SMIM12: variants seen among roughly 807,000 people sequenced by gnomAD.
The protein encoded by SMIM12 is small integral membrane protein 12.
SMIM12 carries 5 observed loss-of-function variants against 6.3 expected under a neutral mutation model. The observed-to-expected ratio is 0.80, with a 90% CI of 0.42 to 1.68. SMIM12 has a LOEUF of 1.68. SMIM12 is among the 40% of genes most tolerant of loss of function. The pLI is 0.02. For synonymous variants in SMIM12, 51 were observed against 48.0 expected (o/e 1.06, Z -0.26); for missense variants, 103 against 121.4 (o/e 0.85, Z 0.71).
Position 34,855,395 on chromosome 1 carries a change from C to A in SMIM12, c.*304G>T. Reference sequence around the variant, plus strand: ...TTCCCACTAGAGGCCAAACCGCCTGCCCACAGAGATTGACAGCCAATGTTC... The same window carrying A: ...TTCCCACTAGAGGCCAAACCGCCTGACCACAGAGATTGACAGCCAATGTTC... On this transcript the variant is annotated 3_prime_UTR_variant, in exon 2 of 2. Transcript: ENST00000521580. The A allele has an allele frequency of 6.7e-7, 1 of 1,497,184 alleles. No individual in the cohort carries two copies. Among genetic ancestry groups the A allele is most frequent in the Non-Finnish European group, 9.0e-7 (1 of 1,105,758 alleles). 92.7% of individuals were successfully genotyped at this position (1,497,184 alleles called of 1,614,324 possible). A position where few individuals can be genotyped will look rare whatever the true frequency, so the allele number is the denominator to read the frequency against.
intron 1 of SMIM12, chr1:34,856,651 T>A (rs928257583): frequency 3.3e-5 from 5 of 152,230 alleles, no homozygotes; most frequent in Admixed American, 3.3e-4. Context: ...ATGAAATTTC[T>A]CCATGAGCAC....
At position 34,855,753 on chromosome 1, in the gene SMIM12, C is replaced by T; in HGVS notation, c.225G>A (p.Lys75=). The change falls in exon 2 of 2, where the codon AAG becomes AAA. Residue 75 remains lysine (K), a synonymous_variant. Transcript: ENST00000521580. ...DHTQVVSLKD[K]LEFAPKAVLN... ...GCACAGCTTTCGGGGCAAATTCTAG[C>T]TTGTCCTTAAGGCTCACCACCTGCG... is the stretch of plus-strand genomic sequence containing the variant. 2 of 1,590,530 alleles carry T rather than the reference C, an allele frequency of 1.3e-6. No individual in the cohort carries two copies. The highest frequency in any genetic ancestry group is 1.7e-6 in the Non-Finnish European group (2 of 1,167,694).
chr1:34,850,443 T>C lies in SMIM12; in HGVS notation c.*5256A>G, dbSNP rs1291997019. Among the ~76,000 whole-genome samples the C allele has an allele frequency of 1.3e-5, 2 of 152,240 alleles. No homozygotes were observed. The highest frequency in any genetic ancestry group is 2.1e-4 in the South Asian group (1 of 4,832). ...ACTGCTGGAACAGGATGAAAACTGA[T>C]ACACCGGTTACTAATTACTCTTCAC... On this transcript the variant is annotated 3_prime_UTR_variant, in exon 2 of 2. Transcript: ENST00000521580.
chr1:34,857,260 T>TGGGGGGG (rs1638684215), intron 1 of SMIM12: 1 of 3,426 alleles, frequency 2.9e-4, no homozygotes, highest in African/African-American at 1.1e-3. Context: ...TGGGGTGGGG[T>TGGGGGGG]GGGGCGGGGA....
chr1:34,857,831 G>A lies in SMIM12; in HGVS notation c.-6+1846C>T, dbSNP rs182387157. The A allele has an allele frequency of 1.1e-4, 17 of 152,238 alleles. No homozygotes were observed. The East Asian group carries it at 2.9e-3, about 26-fold the overall frequency. 9.4% of individuals were successfully genotyped at this position (152,238 alleles called of 1,614,324 possible). On this transcript the variant is annotated intron_variant, in intron 1 of 1. Coordinates refer to ENST00000521580, the MANE Select transcript of SMIM12 (RefSeq NM_138428.6). The stretch of plus-strand genomic sequence containing the variant: ...TGGGGGTTGGAGAGGGATGGTTTCG[G>A]GATGAAACTGTTCCAGCTCAGATCA...
rs1638579474 is a variant in SMIM12, at chr1:34,854,561, CCT to C, written c.*1136_*1137del. The C allele has an allele frequency of 6.6e-6, 1 of 152,142 alleles. No individual in the cohort carries two copies. Among genetic ancestry groups the C allele is most frequent in the African/African-American group, 2.4e-5 (1 of 41,208 alleles). 9.4% of individuals were successfully genotyped at this position (152,142 alleles called of 1,614,324 possible). ...TCCAGCCTGTGTGACAGAGTGAGAC[CCT>C]GTCTCCAAAAAACCAATTATGATGA... On this transcript the variant is annotated 3_prime_UTR_variant, in exon 2 of 2. Transcript: ENST00000521580.
rs1638485254 is a variant in SMIM12, at chr1:34,852,533, C to T, written c.*3166G>A. ...AAGGAGGAGGCAGTTTGAGAGGTCA[C>T]AAATTGGCAGCCACTGGGTCAAATT... On this transcript the variant is annotated 3_prime_UTR_variant, in exon 2 of 2. Coordinates refer to ENST00000521580, the MANE Select transcript of SMIM12 (RefSeq NM_138428.6). The T allele has an allele frequency of 6.7e-6, 1 of 148,444 alleles. No individual in the cohort carries two copies. Among genetic ancestry groups the T allele is most frequent in the Admixed American group, 6.7e-5 (1 of 14,876 alleles). 9.2% of individuals were successfully genotyped at this position (148,444 alleles called of 1,614,324 possible). A position where few individuals can be genotyped will look rare whatever the true frequency, so the allele number is the denominator to read the frequency against.
Position 34,853,926 on chromosome 1 carries a change from T to A in SMIM12, c.*1773A>T, listed in dbSNP as rs1638552400. ...TGAACCCAAGAGGTGGAGGTTGCAG[T>A]GAACCAAGATCGCGCCACTGCACTC... On this transcript the variant is annotated 3_prime_UTR_variant, in exon 2 of 2. Transcript: ENST00000521580. The A allele has an allele frequency of 6.7e-6, 1 of 150,252 alleles. No homozygotes were observed. The highest frequency in any genetic ancestry group is 1.5e-5 in the Non-Finnish European group (1 of 67,882). The allele number at this position is 150,252 out of a possible 1,614,324, so 9.3% of individuals were successfully genotyped here.
chr1:34,855,019 C>A lies in SMIM12; in HGVS notation c.*680G>T, dbSNP rs1316247182. ...TAACTCCTAAGAAGACCCCCAAATA[C>A]CACCTGGATGATAAGATTCGATCAT... On this transcript the variant is annotated 3_prime_UTR_variant, in exon 2 of 2. Transcript: ENST00000521580. 1.6e-6 allele frequency: 2 copies of A among 1,256,214 alleles called. No individual in the cohort carries two copies. Among genetic ancestry groups the A allele is most frequent in the Non-Finnish European group, 1.0e-6 (1 of 966,042 alleles). The allele number at this position is 1,256,214 out of a possible 1,614,324, so 77.8% of individuals were successfully genotyped here. A position where few individuals can be genotyped will look rare whatever the true frequency, so the allele number is the denominator to read the frequency against.
Position 34,852,015 on chromosome 1 carries a change from C to T in SMIM12, c.*3684G>A, listed in dbSNP as rs148904848. On this transcript the variant is annotated 3_prime_UTR_variant, in exon 2 of 2. Transcript: ENST00000521580. ...ATAAACCTTGCTATCTAATGTCACC[C>T]GAGCAGAGGCAAGAGCACATATACT... Among the ~76,000 whole-genome samples, 364 of 152,300 alleles carry T rather than the reference C, an allele frequency of 2.4e-3. 4 individuals carry two copies. Among genetic ancestry groups the T allele is most frequent in the African/African-American group, 8.3e-3 (345 of 41,564 alleles).
chr1:34,852,474 A>AAC lies in SMIM12; in HGVS notation c.*3224_*3225insGT, dbSNP rs1553172450. 6.8e-6 allele frequency among the ~76,000 whole-genome samples: 1 copy of AAC among 146,174 alleles called. No homozygotes were observed. The highest frequency in any genetic ancestry group is 1.5e-5 in the Non-Finnish European group (1 of 67,724). On this transcript the variant is annotated 3_prime_UTR_variant, in exon 2 of 2. Coordinates refer to ENST00000521580, the MANE Select transcript of SMIM12 (RefSeq NM_138428.6). ...AGTTGTTAGATCGCCAAAAAAAAAA[A>AAC]AAAAAAAAAAACCATAATTATAGGT... is the stretch of plus-strand genomic sequence containing the variant.
rs988669345 is a variant in SMIM12 at position 34,851,350 on chromosome 1, G to A, written c.*4349C>T. The A allele has an allele frequency of 2.0e-5, 3 of 152,198 alleles. No homozygotes were observed. Among genetic ancestry groups the A allele is most frequent in the African/African-American group, 7.2e-5 (3 of 41,446 alleles). The allele number at this position is 152,198 out of a possible 1,614,324, so 9.4% of individuals were successfully genotyped here. A position where few individuals can be genotyped will look rare whatever the true frequency, so the allele number is the denominator to read the frequency against. ...CTTGCCCAAGGTCATCCAGTTAATT[G>A]TTAAGGCAGTATTCATAACTCGAGC... On this transcript the variant is annotated 3_prime_UTR_variant, in exon 2 of 2. Transcript: ENST00000521580.
rs774870298 is a variant in SMIM12, at chr1:34,855,173, T to A, written c.*526A>T. 7.3e-7 allele frequency: 1 copy of A among 1,367,464 alleles called. No homozygotes were observed. Among genetic ancestry groups the A allele is most frequent in the South Asian group, 1.1e-5 (1 of 87,950 alleles). The allele number at this position is 1,367,464 out of a possible 1,614,324, so 84.7% of individuals were successfully genotyped here. A position where few individuals can be genotyped will look rare whatever the true frequency, so the allele number is the denominator to read the frequency against. Reference sequence around the variant, plus strand: ...CTGCCCCAAAGTGAACAGTCTGGGCTTCCCAGAACAGAAAAGTGCTTTCCT... The same window carrying A: ...CTGCCCCAAAGTGAACAGTCTGGGCATCCCAGAACAGAAAAGTGCTTTCCT... On this transcript the variant is annotated 3_prime_UTR_variant, in exon 2 of 2. Transcript: ENST00000521580.
At position 34,852,729 on chromosome 1, in the gene SMIM12, T is replaced by A. The variant is rs932651934; in HGVS notation, c.*2970A>T. On this transcript the variant is annotated 3_prime_UTR_variant, in exon 2 of 2. Transcript: ENST00000521580. ...CATCTTTTAGAAAAATTCAAAAATC[T>A]GGTACCACTGGATGAGCAGCAGATT... 5.2e-5 allele frequency: 8 copies of A among 152,430 alleles called. No individual in the cohort carries two copies. Among genetic ancestry groups the A allele is most frequent in the Non-Finnish European group, 1.0e-4 (7 of 68,028 alleles). The allele number at this position is 152,430 out of a possible 1,614,324, so 9.4% of individuals were successfully genotyped here. A position where few individuals can be genotyped will look rare whatever the true frequency, so the allele number is the denominator to read the frequency against.
rs1640950395 is a variant in SMIM12, at chr1:34,852,209, AGCC to A, written c.*3487_*3489del. On this transcript the variant is annotated 3_prime_UTR_variant, in exon 2 of 2. Coordinates refer to ENST00000521580, the MANE Select transcript of SMIM12 (RefSeq NM_138428.6). ...AATCAAAGTGAGACTGGAAGAAGGG[AGCC>A]ACCTGGATTCCCAAAGATAGGGCTC... Among the ~76,000 whole-genome samples, 1 of 152,182 alleles carries A rather than the reference AGCC, an allele frequency of 6.6e-6. No individual in the cohort carries two copies.
rs541279377 is a variant in SMIM12, at chr1:34,855,488, C to T, written c.*211G>A. The stretch of plus-strand genomic sequence containing the variant: ...TGCCTGAGTGCTTGTGGCCACCACA[C>T]AACAGATGCGGCCTTCCTCTTCACT... On this transcript the variant is annotated 3_prime_UTR_variant, in exon 2 of 2. Coordinates refer to ENST00000521580, the MANE Select transcript of SMIM12 (RefSeq NM_138428.6). The T allele has an allele frequency of 6.2e-7, 1 of 1,604,294 alleles. No individual in the cohort carries two copies. Among genetic ancestry groups the T allele is most frequent in the Non-Finnish European group, 8.5e-7 (1 of 1,174,076 alleles).
rs371366501 is a variant in SMIM12 at position 34,855,916 on chromosome 1, G to C, written c.62C>G (p.Ala21Gly). The change falls in exon 2 of 2, where the codon GCC becomes GGC. Residue 21 changes from alanine (A) to glycine (G), a missense_variant. Physicochemically the swap from Ala to Gly is moderately conservative, Grantham distance 60 (BLOSUM62 0). Transcript: ENST00000521580. ...TYAPYVTFPVAFVVGAVGYHL... is the reference protein window; with the variant it reads ...TYAPYVTFPVGFVVGAVGYHL... ...GTAACCCACAGCCCCGACCACGAAG[G>C]CAACAGGGAATGTGACATAAGGAGC... The C allele has an allele frequency of 1.5e-5, 24 of 1,551,610 alleles. No individual in the cohort carries two copies. In the South Asian group the frequency reaches 2.4e-4, roughly 15 times the overall value.
chr1:34,854,964 T>C lies in SMIM12; in HGVS notation c.*735A>G, dbSNP rs1168642925. The C allele has an allele frequency of 5.2e-6, 5 of 958,334 alleles. No individual in the cohort carries two copies. Among genetic ancestry groups the C allele is most frequent in the Non-Finnish European group, 7.0e-6 (5 of 713,796 alleles). The allele number at this position is 958,334 out of a possible 1,614,324, so 59.4% of individuals were successfully genotyped here. A position where few individuals can be genotyped will look rare whatever the true frequency, so the allele number is the denominator to read the frequency against. On this transcript the variant is annotated 3_prime_UTR_variant, in exon 2 of 2. Transcript: ENST00000521580. The stretch of plus-strand genomic sequence containing the variant: ...TCCTTGGCACCCTTTAATACCAATG[T>C]TATCCTGCTCTAAAATGCCTGTACT...
chr1:34,855,752 G>C lies in SMIM12; in HGVS notation c.226C>G (p.Leu76Val). 2 of 1,591,704 alleles carry C rather than the reference G, an allele frequency of 1.3e-6. No individual in the cohort carries two copies. The highest frequency in any genetic ancestry group is 1.7e-6 in the Non-Finnish European group (2 of 1,168,256). ...HTQVVSLKDK[L>V]EFAPKAVLNR... ...AGCACAGCTTTCGGGGCAAATTCTA[G>C]CTTGTCCTTAAGGCTCACCACCTGC... The change falls in exon 2 of 2, where the codon CTA becomes GTA. Residue 76 changes from leucine to valine, a missense_variant. By Grantham distance (32) the Leu-to-Val change is conservative. Transcript: ENST00000521580.
Sources: gnomAD v4.1 joint callset for allele counts (sites outside exome capture counted in the v4.1 genomes callset) on GRCh38, gnomAD v4.1.1 for gene constraint, MANE v1.5 for transcripts, NCBI Gene and HGNC (gene_info 2026-07-23, HGNC 2026-07-21) for gene names.